The following USP54 variants were observed in gnomAD, a reference collection of about 807,000 sequenced individuals.
USP54 encodes the protein ubiquitin carboxyl-terminal hydrolase 54.
Under a neutral mutation model 170.5 loss-of-function variants are expected in USP54, and 87 were observed. The observed-to-expected ratio is 0.51, with a 90% CI of 0.43 to 0.61. The LOEUF (loss-of-function observed/expected upper bound fraction) is 0.61, where lower values mean the gene tolerates loss of function less well. USP54 is among the 20% of genes least tolerant of loss of function. The pLI, the probability that USP54 is intolerant of heterozygous loss-of-function variation, is 0.00. For missense variants in USP54, 1,786 were observed against 2,047.8 expected (o/e 0.87, Z 2.47); for synonymous variants, 655 against 742.8 (o/e 0.88, Z 1.92).
In USP54 at chr10:73,530,741, T is replaced by C; in HGVS notation, c.1410A>G (p.Lys470=). ...ATCCCGAGGCCTGGGGCTCATCGCC[T>C]TTCCTCCTAACCCGACCAGAGCTCC... ...RKRSSGRVRR[K]GDEPQASGYH... Residue 470 remains lysine, a synonymous_variant, in exon 13 of 24, where the codon AAA becomes AAG. Coordinates refer to ENST00000687698, the MANE Select transcript of USP54 (RefSeq NM_001391956.1). 1 of 1,614,168 alleles carries C rather than the reference T, an allele frequency of 6.2e-7. No individual in the cohort carries two copies. Among genetic ancestry groups the C allele is most frequent in the Non-Finnish European group, 8.5e-7 (1 of 1,180,030 alleles).
At position 73,522,266 on chromosome 10, in the gene USP54, G is replaced by A. The variant is rs1320965030; in HGVS notation, c.2363-1239C>T. Among the ~76,000 whole-genome samples the A allele has an allele frequency of 7.2e-5, 11 of 152,314 alleles. No individual in the cohort carries two copies. The South Asian group carries it at 2.3e-3, about 32-fold the overall frequency. On this transcript the variant is annotated intron_variant, in intron 17 of 23. Transcript: ENST00000687698. ...GACCTGAAGTTCTCTCATAATATTT[G>A]TAATCAACTAAATGTATACAACCTT...
At chr10:73,623,752 T>C (rs1000174951) in intron 1 of USP54, among the ~76,000 whole-genome samples, 2 of 152,228 alleles carry the variant, frequency 1.3e-5, no homozygotes, top group African/African-American at 4.8e-5. Flanking sequence ...ATTGTGCTTA[T>C]TACATTGTAA....
intron 10 of USP54, among the ~76,000 whole-genome samples, chr10:73,538,587 G>A (rs1279392514): frequency 1.3e-5 from 2 of 152,048 alleles, no homozygotes; most frequent in Non-Finnish European, 2.9e-5. Flanking sequence ...GGCTGAGGAG[G>A]GAGGATCACT....
intron 4 of USP54, among the ~76,000 whole-genome samples, chr10:73,554,649 C>T (rs1329065984): frequency 2.0e-5 from 3 of 152,174 alleles, no homozygotes; most frequent in Non-Finnish European, 1.5e-5. Context: ...AGAGCTAAAT[C>T]AACTCCCTTT....
intron 19 of USP54, chr10:73,518,320 CTA>C (rs2061369282): frequency 1.2e-6 from 1 of 826,134 alleles, no homozygotes. Context: ...GGATTTTGTT[CTA>C]TTAGTCACTG....
At chr10:73,588,888 A>G (rs567838182) in intron 1 of USP54, among the ~76,000 whole-genome samples, 2 of 152,310 alleles carry the variant, frequency 1.3e-5, no homozygotes, top group African/African-American at 4.8e-5. Flanking sequence ...GAGCAAACCT[A>G]TTTGAAGAAG....
chr10:73,525,057 T>C (rs571548486), intron 16 of USP54, among the ~76,000 whole-genome samples: 2 of 152,300 alleles, frequency 1.3e-5, no homozygotes, highest in Admixed American at 6.5e-5. Context: ...AGGATGTCCA[T>C]AATAAATTAA....
intron 1 of USP54, among the ~76,000 whole-genome samples, chr10:73,578,496 C>T (rs113544882): frequency 6.6e-6 from 1 of 152,170 alleles, no homozygotes; most frequent in African/African-American, 2.4e-5. Context: ...ACTGCAGCCT[C>T]CGCCTCTTAG....
rs773262269 is a variant in USP54 at position 73,520,934 on chromosome 10, G to A, written c.2456C>T (p.Ala819Val). 2 of 1,614,128 alleles carry A rather than the reference G, an allele frequency of 1.2e-6. No homozygotes were observed. The highest frequency in any genetic ancestry group is 2.2e-5 in the South Asian group (2 of 91,080). Residue 819 changes from alanine (A) to valine (V), a missense_variant, in exon 18 of 24, where the codon GCT becomes GTT. Coordinates refer to ENST00000687698, the MANE Select transcript of USP54 (RefSeq NM_001391956.1). ...GATAGCTTCATTACAGAGAGCCAAA[G>A]CTGCAGCACAGTCTCCTTTCTGTTC... ...HLEQKGDCAA[A>V]LALCNEAISK...
chr10:73,611,982 G>A (rs1589406343), intron 1 of USP54, among the ~76,000 whole-genome samples: 2 of 151,752 alleles, frequency 1.3e-5, no homozygotes, highest in Non-Finnish European at 2.9e-5. Context: ...ACGGTGGTAT[G>A]CCCCTATAGT....
intron 20 of USP54, among the ~76,000 whole-genome samples, chr10:73,509,454 A>C (rs897961747): frequency 1.6e-3 from 240 of 151,270 alleles, no homozygotes; most frequent in African/African-American, 4.7e-3. Flanking sequence ...AAAAAAAAAA[A>C]AACAACAAAA....
chr10:73,514,068 C>T (rs559169447), intron 20 of USP54, among the ~76,000 whole-genome samples: 10 of 152,252 alleles, frequency 6.6e-5, no homozygotes, highest in African/African-American at 2.4e-4. Context: ...CCACCTGCCT[C>T]GGCCTCCCAA....
chr10:73,583,388 C>A (rs138331866), intron 1 of USP54, among the ~76,000 whole-genome samples: 1 of 152,174 alleles, frequency 6.6e-6, no homozygotes, highest in African/African-American at 2.4e-5. Context: ...TGGGTTCAAG[C>A]AATCCTCCTG....
At chr10:73,602,855 CAA>C (rs60433926) in intron 1 of USP54, among the ~76,000 whole-genome samples, 1,755 of 41,248 alleles carry the variant, frequency 0.043, 11 homozygotes, top group African/African-American at 0.11. Flanking sequence ...GACTCTGTCT[CAA>C]AAAAAAAAAA....
chr10:73,590,371 CAA>C (rs1454607664), intron 1 of USP54, among the ~76,000 whole-genome samples: 1 of 152,140 alleles, frequency 6.6e-6, no homozygotes, highest in Admixed American at 6.6e-5. Flanking sequence ...ATCCCAGAAA[CAA>C]GTTTCCTCTC....
intron 1 of USP54, chr10:73,624,501 C>T (rs2081371087): frequency 6.6e-6 from 1 of 151,538 alleles, no homozygotes; most frequent in South Asian, 2.1e-4. Flanking sequence ...AGTCACCGCG[C>T]CCAGCCAAAA....
At chr10:73,604,329 T>C (rs564166505) in intron 1 of USP54, among the ~76,000 whole-genome samples, 1 of 152,234 alleles carries the variant, frequency 6.6e-6, no homozygotes, top group East Asian at 1.9e-4. Context: ...CTTGTGCACA[T>C]TGGTAAGAAT....
At chr10:73,501,754 T>C (rs1418520339) in intron 22 of USP54, among the ~76,000 whole-genome samples, 1 of 152,196 alleles carries the variant, frequency 6.6e-6, no homozygotes. Context: ...CACTCTAACT[T>C]TAATATTCCT....
chr10:73,566,850 A>C (rs376558750), intron 4 of USP54, among the ~76,000 whole-genome samples: 70 of 152,184 alleles, frequency 4.6e-4, no homozygotes, highest in African/African-American at 1.6e-3. Flanking sequence ...GAGAATGTAC[A>C]TGGTACTGGC....
Sources: allele counts gnomAD v4.1 joint callset (sites outside exome capture counted in the v4.1 genomes callset), GRCh38; gene constraint gnomAD v4.1.1; transcripts MANE v1.5; gene names NCBI Gene and HGNC (gene_info 2026-07-23, HGNC 2026-07-21).